The following PTPRG variants were observed in gnomAD, a reference collection of about 807,000 sequenced individuals.
PTPRG encodes protein tyrosine phosphatase receptor type G, also known as receptor-type tyrosine-protein phosphatase gamma.
Under a neutral mutation model 165.3 loss-of-function variants are expected in PTPRG, and 102 were observed. The ratio of observed to expected loss-of-function variants is 0.62; its 90% CI spans 0.53 to 0.73. The LOEUF is 0.73. Ranked by LOEUF, PTPRG falls within the 30% of genes least tolerant of loss-of-function variation. The pLI is 0.00. For missense variants in PTPRG, 1,866 were observed against 1,861.4 expected (o/e 1.00, Z -0.05); for synonymous variants, 675 against 669.5 (o/e 1.01, Z -0.13).
chr3:61,768,964 T>C (rs1181089566), intron 2 of PTPRG, among the ~76,000 whole-genome samples: 16 of 152,166 alleles, frequency 1.1e-4, no homozygotes, highest in Admixed American at 1.0e-3. Context: ...TCCTATGAAG[T>C]AGTAAAAGGA....
At chr3:61,621,043 A>ATGTG (rs1342796229) in intron 1 of PTPRG, among the ~76,000 whole-genome samples, 1 of 87,802 alleles carries the variant, frequency 1.1e-5, no homozygotes, top group Non-Finnish European at 2.5e-5. Context: ...GTATATATAT[A>ATGTG]TATATATATG....
At chr3:62,234,013 T>A (rs898927597) in intron 14 of PTPRG, among the ~76,000 whole-genome samples, 1 of 152,220 alleles carries the variant, frequency 6.6e-6, no homozygotes, top group Non-Finnish European at 1.5e-5. Flanking sequence ...TAGTTTGTTG[T>A]CTATTCTTCC....
At chr3:61,576,857 A>T (rs778790088) in intron 1 of PTPRG, among the ~76,000 whole-genome samples, 7 of 152,178 alleles carry the variant, frequency 4.6e-5, no homozygotes, top group Non-Finnish European at 8.8e-5. Context: ...AATTGGTAAG[A>T]TCCACTAATG....
At chr3:62,082,716 C>CA (rs2106769493) in intron 5 of PTPRG, among the ~76,000 whole-genome samples, 1 of 152,294 alleles carries the variant, frequency 6.6e-6, no homozygotes, top group Admixed American at 6.5e-5. Context: ...GGGTCAGTCT[C>CA]AGTGCTAAAA....
intron 2 of PTPRG, among the ~76,000 whole-genome samples, chr3:61,949,663 A>G (rs924546794): frequency 6.6e-6 from 1 of 152,032 alleles, no homozygotes; most frequent in African/African-American, 2.4e-5. Context: ...GCTGAAACCT[A>G]AGACATTTTT....
chr3:61,800,924 C>T (rs1249991662), intron 2 of PTPRG, among the ~76,000 whole-genome samples: 1 of 152,064 alleles, frequency 6.6e-6, no homozygotes, highest in Non-Finnish European at 1.5e-5. Flanking sequence ...GGATTACAGA[C>T]GTGAGCCACC....
At chr3:61,978,139 A>G (rs1171580543) in intron 2 of PTPRG, among the ~76,000 whole-genome samples, 1 of 152,220 alleles carries the variant, frequency 6.6e-6, no homozygotes, top group African/African-American at 2.4e-5. Context: ...AGTGTAAGCC[A>G]CCATGCCTGA....
chr3:61,607,601 G>A (rs909146749), intron 1 of PTPRG, among the ~76,000 whole-genome samples: 1 of 152,132 alleles, frequency 6.6e-6, no homozygotes, highest in South Asian at 2.1e-4. Flanking sequence ...TCTGAGCAAA[G>A]ATAACAGAGT....
intron 1 of PTPRG, among the ~76,000 whole-genome samples, chr3:61,628,110 G>A (rs1238207044): frequency 2.6e-5 from 4 of 152,144 alleles, no homozygotes; most frequent in Non-Finnish European, 5.9e-5. Context: ...ATATTGCATC[G>A]TCTTTCATGC....
chr3:61,600,192 A>ATGTG (rs1258297289), intron 1 of PTPRG, among the ~76,000 whole-genome samples: 1,767 of 106,560 alleles, frequency 0.017, 30 homozygotes, highest in East Asian at 0.037. Context: ...ATATATATAT[A>ATGTG]TGTGTGTGTG....
intron 5 of PTPRG, among the ~76,000 whole-genome samples, chr3:62,083,164 T>C (rs1701636029): frequency 6.6e-6 from 1 of 152,226 alleles, no homozygotes; most frequent in African/African-American, 2.4e-5. Context: ...ACTTCTGTTC[T>C]CTACTGTCAA....
chr3:62,287,303 A>G (rs545040951), intron 28 of PTPRG, among the ~76,000 whole-genome samples: 1 of 152,276 alleles, frequency 6.6e-6, no homozygotes, highest in South Asian at 2.1e-4. Context: ...AAATGAGGTC[A>G]ACTCAGTACA....
intron 1 of PTPRG, among the ~76,000 whole-genome samples, chr3:61,616,001 A>G (rs534601249): frequency 2.6e-5 from 4 of 152,310 alleles, no homozygotes; most frequent in African/African-American, 7.2e-5. Flanking sequence ...CCCAGGCTGG[A>G]GTGCAGTGGC....
intron 1 of PTPRG, among the ~76,000 whole-genome samples, chr3:61,699,912 A>G (rs1283814131): frequency 6.6e-6 from 1 of 152,210 alleles, no homozygotes; most frequent in East Asian, 1.9e-4. Context: ...AGGAGACTCA[A>G]CCTCAGAGTG....
intron 4 of PTPRG, among the ~76,000 whole-genome samples, chr3:62,015,355 A>G (rs902874099): frequency 2.9e-4 from 44 of 152,278 alleles, no homozygotes; most frequent in African/African-American, 1.1e-3. Flanking sequence ...CGGTCAGCAG[A>G]TAGGCAGTGT....
chr3:62,063,512 G>A (rs1575954758), intron 4 of PTPRG, among the ~76,000 whole-genome samples: 1 of 152,190 alleles, frequency 6.6e-6, no homozygotes, highest in Admixed American at 6.5e-5. Context: ...AATACTTTGT[G>A]TTTATATAAA....
At chr3:61,982,844 A>C (rs770830903) in intron 2 of PTPRG, among the ~76,000 whole-genome samples, 2 of 152,170 alleles carry the variant, frequency 1.3e-5, no homozygotes, top group Non-Finnish European at 2.9e-5. Context: ...TTAGACAGAT[A>C]ATGGTATTAA....
chr3:61,947,065 G>A (rs1056130600), intron 2 of PTPRG, among the ~76,000 whole-genome samples: 3 of 152,150 alleles, frequency 2.0e-5, no homozygotes, highest in South Asian at 2.1e-4. Context: ...AAGGCCCATC[G>A]TTCTTTTAAC....
In PTPRG at chr3:61,995,239, C is replaced by T. The variant is rs183861326; in HGVS notation, c.370+5435C>T. On this transcript the variant is annotated intron_variant, in intron 3 of 29. Coordinates refer to ENST00000474889, the MANE Select transcript of PTPRG (RefSeq NM_002841.4). ...AAGTAGCTGGAATTACAGGTGCATGCCACCAAGCCAAGTTCATTTTTGTAT... is the reference window on the plus strand; with the variant it reads ...AAGTAGCTGGAATTACAGGTGCATGTCACCAAGCCAAGTTCATTTTTGTAT... Among the ~76,000 whole-genome samples, 128 of 151,990 alleles carry T rather than the reference C, an allele frequency of 8.4e-4. 2 individuals carry two copies. Among genetic ancestry groups the T allele is most frequent in the Non-Finnish European group, 2.4e-4 (16 of 67,960 alleles).
Sources: allele counts gnomAD v4.1 joint callset (sites outside exome capture counted in the v4.1 genomes callset), GRCh38; gene constraint gnomAD v4.1.1; transcripts MANE v1.5; gene names NCBI Gene and HGNC (gene_info 2026-07-23, HGNC 2026-07-21).